The following CEP85L variants were observed in gnomAD, a reference collection of about 807,000 sequenced individuals.
CEP85L encodes the protein centrosomal protein 85L.
In CEP85L, 60 loss-of-function variants were observed where a neutral mutation model predicts 100.3. The ratio of observed to expected loss-of-function variants is 0.60; its 90% CI spans 0.49 to 0.74. The LOEUF is 0.74. Ranked by LOEUF, CEP85L falls within the 30% of genes least tolerant of loss-of-function variation. The probability of loss-of-function intolerance (pLI) is 0.00; values close to 1 mark genes in which losing one functional copy is unlikely to be tolerated. For missense variants in CEP85L, 973 were observed against 936.2 expected (o/e 1.04, Z -0.51); for synonymous variants, 319 against 322.7 (o/e 0.99, Z 0.12).
chr6:118,460,966 A>C lies in CEP85L; in HGVS notation c.*4439T>G, dbSNP rs2114347149. ...CAAGAAGAAAACCCCTTTACAAAAA[A>C]AGAGGCAAGAATGATAGATCAGAAG... On this transcript the variant is annotated 3_prime_UTR_variant, in exon 13 of 13. Transcript: ENST00000368491. The C allele has an allele frequency of 6.6e-6, 1 of 152,266 alleles. No individual in the cohort carries two copies. The highest frequency in any genetic ancestry group is 1.9e-4 in the East Asian group (1 of 5,186). 9.4% of individuals were successfully genotyped at this position (152,266 alleles called of 1,614,324 possible).
At chr6:118,630,150 G>C (rs1280736353) in intron 2 of CEP85L, among the ~76,000 whole-genome samples, 3 of 152,162 alleles carry the variant, frequency 2.0e-5, no homozygotes, top group South Asian at 2.1e-4. Flanking sequence ...AAGTGATTAT[G>C]GGAGGTATTT....
At chr6:118,567,249 G>GTATATATA (rs57181233) in intron 2 of CEP85L, among the ~76,000 whole-genome samples, 5 of 43,772 alleles carry the variant, frequency 1.1e-4, no homozygotes, top group Non-Finnish European at 1.8e-4. Flanking sequence ...GTGTGTGTGT[G>GTATATATA]TATATATATA....
intron 5 of CEP85L, chr6:118,502,446 G>A: frequency 1.9e-6 from 1 of 530,594 alleles, no homozygotes; most frequent in Non-Finnish European, 3.6e-6. Context: ...GATATCACCT[G>A]ACGATGAAGG....
rs929833430 is a variant in CEP85L at position 118,463,926 on chromosome 6, AT to A, written c.*1478del. 1.3e-5 allele frequency: 2 copies of A among 152,142 alleles called. No homozygotes were observed. The highest frequency in any genetic ancestry group is 4.8e-5 in the African/African-American group (2 of 41,460). 9.4% of individuals were successfully genotyped at this position (152,142 alleles called of 1,614,324 possible). ...AAAAATCTTTCCTAGGAGAGCCTTTATTCTAGTATATAAGAAAACAGGCATG... is the reference window on the plus strand; with the variant it reads ...AAAAATCTTTCCTAGGAGAGCCTTTATCTAGTATATAAGAAAACAGGCATG... On this transcript the variant is annotated 3_prime_UTR_variant, in exon 13 of 13. Transcript: ENST00000368491.
At chr6:118,657,824 G>T (rs1775848734) in intron 1 of CEP85L, among the ~76,000 whole-genome samples, 1 of 152,176 alleles carries the variant, frequency 6.6e-6, no homozygotes, top group Non-Finnish European at 1.5e-5. Flanking sequence ...GATGTCAATA[G>T]GATTTTAATT....
intron 2 of CEP85L, among the ~76,000 whole-genome samples, chr6:118,631,766 G>A (rs985340861): frequency 2.0e-5 from 3 of 152,302 alleles, no homozygotes; most frequent in Admixed American, 6.5e-5. Flanking sequence ...TATAGAAATG[G>A]AGAGTAAATG....
Position 118,672,666 on chromosome 6 carries a change from T to C in CEP85L, c.-27-19858A>G, listed in dbSNP as rs374359919. Among the ~76,000 whole-genome samples, 4 of 152,236 alleles carry C rather than the reference T, an allele frequency of 2.6e-5. No homozygotes were observed. In the East Asian group the frequency reaches 5.8e-4, roughly 22 times the overall value. ...CTGTAATCTCAGCTACTCAGGAAGC[T>C]GAGACAGGAGAATCACTTGAGCCTG... On this transcript the variant is annotated intron_variant, in intron 1 of 13. Coordinates refer to the CEP85L transcript ENST00000368488.
intron 3 of CEP85L, among the ~76,000 whole-genome samples, chr6:118,558,108 G>A (rs1178593060): frequency 6.6e-6 from 1 of 151,930 alleles, no homozygotes; most frequent in African/African-American, 2.4e-5. Flanking sequence ...CATGCCACCA[G>A]CCTAGCTAAT....
intron 4 of CEP85L, among the ~76,000 whole-genome samples, chr6:118,520,484 T>A (rs1776596589): frequency 6.6e-6 from 1 of 152,218 alleles, no homozygotes; most frequent in South Asian, 2.1e-4. Flanking sequence ...TAATGTATAG[T>A]GATTAAATTA....
chr6:118,687,862 C>T (rs1391034177), intron 1 of CEP85L, among the ~76,000 whole-genome samples: 1 of 152,184 alleles, frequency 6.6e-6, no homozygotes, highest in African/African-American at 2.4e-5. Flanking sequence ...CACTCCCAAT[C>T]GGGCTAAAGG....
At chr6:118,578,360 C>T (rs2115061026) in intron 2 of CEP85L, among the ~76,000 whole-genome samples, 1 of 152,280 alleles carries the variant, frequency 6.6e-6, no homozygotes, top group African/African-American at 2.4e-5. Context: ...AAGTCTTAGC[C>T]AATTGGGTTA....
intron 2 of CEP85L, among the ~76,000 whole-genome samples, chr6:118,587,167 A>G (rs1028180876): frequency 6.6e-6 from 1 of 152,184 alleles, no homozygotes; most frequent in Non-Finnish European, 1.5e-5. Flanking sequence ...GGAACTCACC[A>G]TCTTAGGATT....
chr6:118,588,593 G>C (rs988600604), intron 2 of CEP85L, among the ~76,000 whole-genome samples: 1 of 152,150 alleles, frequency 6.6e-6, no homozygotes, highest in Non-Finnish European at 1.5e-5. Flanking sequence ...TCAGCCCCAG[G>C]TGACTACAAT....
At chr6:118,621,238 C>T (rs1425747624) in intron 2 of CEP85L, among the ~76,000 whole-genome samples, 1 of 152,174 alleles carries the variant, frequency 6.6e-6, no homozygotes, top group Non-Finnish European at 1.5e-5. Context: ...TCAGTGGAGA[C>T]CAGTGCAAGA....
intron 2 of CEP85L, among the ~76,000 whole-genome samples, chr6:118,609,567 G>T (rs996918712): frequency 6.6e-6 from 1 of 152,092 alleles, no homozygotes; most frequent in Non-Finnish European, 1.5e-5. Flanking sequence ...CACTGCCTGA[G>T]TATACAGACA....
intron 3 of CEP85L, among the ~76,000 whole-genome samples, chr6:118,542,923 A>AAAAAAAAAAAAAAAAAAAAAAAAAAC (rs1554216838): frequency 6.9e-6 from 1 of 143,932 alleles, no homozygotes; most frequent in Non-Finnish European, 1.5e-5. Flanking sequence ...AAAAAAAAAA[A>AAAAAAAAAAAAAAAAAAAAAAAAAAC]CAGGATATTC....
At chr6:118,617,653 C>T (rs1773156129) in intron 2 of CEP85L, among the ~76,000 whole-genome samples, 1 of 152,216 alleles carries the variant, frequency 6.6e-6, no homozygotes, top group Admixed American at 6.5e-5. Context: ...GGGACCCCTT[C>T]CATGCTGTGG....
At chr6:118,598,174 A>C (rs1781549797) in intron 2 of CEP85L, among the ~76,000 whole-genome samples, 2 of 152,186 alleles carry the variant, frequency 1.3e-5, no homozygotes, top group South Asian at 4.1e-4. Context: ...CTTCCCTCAA[A>C]AAGTTAATTT....
intron 2 of CEP85L, among the ~76,000 whole-genome samples, chr6:118,604,270 A>C (rs1772026383): frequency 6.6e-6 from 1 of 152,216 alleles, no homozygotes; most frequent in South Asian, 2.1e-4. Context: ...GTGAAAGAGC[A>C]GATTAGTGCT....
Sources: gnomAD v4.1 joint callset for allele counts (sites outside exome capture counted in the v4.1 genomes callset) on GRCh38, gnomAD v4.1.1 for gene constraint, MANE v1.5 for transcripts, NCBI Gene and HGNC (gene_info 2026-07-23, HGNC 2026-07-21) for gene names.